Variants in SLC35G2 observed in about 807,000 individuals in gnomAD.
SLC35G2 encodes solute carrier family 35 member G2.
Under a neutral mutation model 27.2 loss-of-function variants are expected in SLC35G2, and 20 were observed. The observed-to-expected ratio is 0.74, with a 90% CI of 0.52 to 1.07. SLC35G2 has a LOEUF of 1.07. Among genes scored for constraint, SLC35G2 ranks in the 50% least tolerant of loss-of-function variants. The probability of loss-of-function intolerance (pLI) is 0.00; values close to 1 mark genes in which losing one functional copy is unlikely to be tolerated. For synonymous variants in SLC35G2, 148 were observed against 165.3 expected (o/e 0.90, Z 0.80); for missense variants, 416 against 493.3 (o/e 0.84, Z 1.48).
chr3:136,844,010 T>C (rs1937234791), intron 1 of SLC35G2, among the ~76,000 whole-genome samples: 1 of 152,082 alleles, frequency 6.6e-6, no homozygotes, highest in African/African-American at 2.4e-5. Flanking sequence ...TGAGCCTAGA[T>C]GAAGGTTTGA....
intron 1 of SLC35G2, among the ~76,000 whole-genome samples, chr3:136,851,924 A>T (rs1937652543): frequency 6.6e-6 from 1 of 152,214 alleles, no homozygotes; most frequent in Non-Finnish European, 1.5e-5. Flanking sequence ...CACAATTATA[A>T]AAGTTACATA....
At chr3:136,822,520 T>C (rs4038077) in intron 1 of SLC35G2, among the ~76,000 whole-genome samples, 103,315 of 151,988 alleles carry the variant, frequency 0.68, 35,392 homozygotes, top group East Asian at 0.87. Flanking sequence ...TCACCACGTT[T>C]GCCAAGCTGG....
At chr3:136,821,390 T>A (rs926864223) in intron 1 of SLC35G2, among the ~76,000 whole-genome samples, 3 of 152,176 alleles carry the variant, frequency 2.0e-5, no homozygotes, top group Non-Finnish European at 4.4e-5. Context: ...TCCAATTTTT[T>A]AGACTTAAAA....
rs1315003753 is a variant in SLC35G2, at chr3:136,854,537, A to G, written c.77A>G (p.Tyr26Cys). The change falls in exon 2 of 2, where the codon TAT becomes TGT. Residue 26 changes from tyrosine (Y) to cysteine (C), a missense_variant. Physicochemically the swap from Tyr to Cys is radical, Grantham distance 194. Coordinates refer to ENST00000446465, the MANE Select transcript of SLC35G2 (RefSeq NM_025246.3). ...CATCCCAACACAGTGATGGTGAAAT[A>G]TACTTCTCATTATCCCCAGCCTGGC... The part of the protein sequence containing the change: ...KIHPNTVMVK[Y>C]TSHYPQPGDD... 18 of 1,610,310 alleles carry G rather than the reference A, an allele frequency of 1.1e-5. No homozygotes were observed. Among genetic ancestry groups the G allele is most frequent in the Non-Finnish European group, 1.5e-5 (18 of 1,179,012 alleles).
chr3:136,846,268 C>G (rs1937373876), intron 1 of SLC35G2, among the ~76,000 whole-genome samples: 1 of 152,104 alleles, frequency 6.6e-6, no homozygotes, highest in South Asian at 2.1e-4. Flanking sequence ...GGTCTCAGGC[C>G]TCATATTCTG....
chr3:136,848,554 C>T (rs752940755), intron 1 of SLC35G2, among the ~76,000 whole-genome samples: 5 of 152,048 alleles, frequency 3.3e-5, no homozygotes, highest in Non-Finnish European at 5.9e-5. Flanking sequence ...GCCATATTCA[C>T]TGGGTGACAA....
intron 1 of SLC35G2, among the ~76,000 whole-genome samples, chr3:136,844,185 C>T (rs575956670): frequency 3.3e-4 from 50 of 151,854 alleles, no homozygotes; most frequent in African/African-American, 9.7e-4. Context: ...AGTGAGACTC[C>T]GTCTCAAAAA....
chr3:136,854,038 C>T (rs536840869), intron 1 of SLC35G2, among the ~76,000 whole-genome samples: 1 of 152,216 alleles, frequency 6.6e-6, no homozygotes, highest in Admixed American at 6.5e-5. Flanking sequence ...TTGGACTTAA[C>T]TAATAATTTA....
chr3:136,855,109 A>T lies in SLC35G2; in HGVS notation c.649A>T (p.Lys217Ter). The change falls in exon 2 of 2, where the codon AAA becomes TAA. Residue 217 changes from lysine (K) to a stop codon, truncating the protein, a stop_gained. Transcript: ENST00000446465. LOFTEE classifies it high-confidence loss of function. ...TTTGGCTTTTTTACTCGTAGATGAG[A>T]AAATGGCTTATGTTGACATGGCTAC... ...AILAFLLVDE[K>*]MAYVDMATVV... The T allele has an allele frequency of 6.2e-7, 1 of 1,614,184 alleles. No homozygotes were observed. The highest frequency in any genetic ancestry group is 8.5e-7 in the Non-Finnish European group (1 of 1,180,034).
At chr3:136,829,702 AT>A (rs59974322) in intron 1 of SLC35G2, among the ~76,000 whole-genome samples, 100,849 of 151,308 alleles carry the variant, frequency 0.67, 33,997 homozygotes, top group East Asian at 0.87. Flanking sequence ...TCTAGGGTAA[AT>A]TTTTTTTTTC....
chr3:136,836,439 ATAAAT>A (rs1348235883), intron 1 of SLC35G2, among the ~76,000 whole-genome samples: 3 of 152,106 alleles, frequency 2.0e-5, no homozygotes, highest in South Asian at 2.1e-4. Context: ...TCTTCCCGAC[ATAAAT>A]TAAACAACTA....
chr3:136,834,355 C>T (rs974095252), intron 1 of SLC35G2, among the ~76,000 whole-genome samples: 6 of 152,116 alleles, frequency 3.9e-5, no homozygotes, highest in Middle Eastern at 3.2e-3. Flanking sequence ...ATTTTTGAGA[C>T]GGAGTTTCAC....
chr3:136,854,769 A>T lies in SLC35G2; in HGVS notation c.309A>T (p.Lys103Asn). 6.2e-7 allele frequency: 1 copy of T among 1,614,170 alleles called. No individual in the cohort carries two copies. The highest frequency in any genetic ancestry group is 1.1e-5 in the South Asian group (1 of 91,074). ...AAAAAAACATTTTTCAATCCCGAAA[A>T]ATGTGGATAGTGCTGTTTGGATCTG... ...FAEKNIFQSR[K>N]MWIVLFGSAL... The change falls in exon 2 of 2, where the codon AAA becomes AAT. Residue 103 changes from lysine (K) to asparagine (N), a missense_variant. Lys to Asn is a moderately conservative substitution (Grantham distance 94). Coordinates refer to ENST00000446465, the MANE Select transcript of SLC35G2 (RefSeq NM_025246.3).
intron 1 of SLC35G2, chr3:136,842,197 T>A (rs1019626449): frequency 4.6e-5 from 7 of 152,382 alleles, no homozygotes; most frequent in African/African-American, 1.7e-4. Context: ...CTAATTTTTT[T>A]ATCTCTTATA....
chr3:136,828,807 T>A (rs994826624), intron 1 of SLC35G2, among the ~76,000 whole-genome samples: 1 of 152,204 alleles, frequency 6.6e-6, no homozygotes, highest in Non-Finnish European at 1.5e-5. Flanking sequence ...GGTCTTCTCT[T>A]CCTTTTTACC....
chr3:136,849,102 C>G (rs1937517516), intron 1 of SLC35G2, among the ~76,000 whole-genome samples: 1 of 151,768 alleles, frequency 6.6e-6, no homozygotes, highest in Non-Finnish European at 1.5e-5. Context: ...TCGCTTGAAT[C>G]CGGAGGTGGA....
intron 1 of SLC35G2, among the ~76,000 whole-genome samples, chr3:136,824,890 C>A (rs1190716718): frequency 2.6e-5 from 4 of 152,064 alleles, no homozygotes; most frequent in Non-Finnish European, 4.4e-5. Context: ...CTAATGTTAT[C>A]CCTACCCCAG....
At chr3:136,829,530 T>G (rs1000480691) in intron 1 of SLC35G2, among the ~76,000 whole-genome samples, 8 of 152,174 alleles carry the variant, frequency 5.3e-5, no homozygotes, top group African/African-American at 1.9e-4. Flanking sequence ...TCCTTTAGAT[T>G]ATTTTTCATT....
intron 1 of SLC35G2, among the ~76,000 whole-genome samples, chr3:136,853,361 C>T (rs1316269682): frequency 6.6e-6 from 1 of 152,070 alleles, no homozygotes; most frequent in Non-Finnish European, 1.5e-5. Context: ...GCCTCAGCCT[C>T]CCAAAATGCT....
Sources: gnomAD v4.1 joint callset for allele counts (sites outside exome capture counted in the v4.1 genomes callset) on GRCh38, gnomAD v4.1.1 for gene constraint, MANE v1.5 for transcripts, NCBI Gene and HGNC (gene_info 2026-07-23, HGNC 2026-07-21) for gene names.